Variants in AGBL1 observed in about 807,000 individuals in gnomAD.
AGBL1 encodes the protein AGBL carboxypeptidase 1, also known as cytosolic carboxypeptidase 4.
A neutral mutation model predicts 118.9 loss-of-function variants in AGBL1; 130 were observed. That is an observed-to-expected ratio of 1.09 (90% confidence interval 0.95 to 1.26). AGBL1 has a LOEUF of 1.26. Ranked by LOEUF, AGBL1 falls within the 50% of genes most tolerant of loss-of-function variation. The probability of loss-of-function intolerance (pLI) is 0.00; values close to 1 mark genes in which losing one functional copy is unlikely to be tolerated. For missense variants in AGBL1, 1,584 were observed against 1,298.1 expected, an observed-to-expected ratio of 1.22 and a Z score of -3.38; for synonymous variants, 555 against 478.9, an observed-to-expected ratio of 1.16 and a Z score of -2.08.
Position 86,636,734 on chromosome 15 carries a change from TATATATATATATATATATATATATAC to T in AGBL1, c.2995-37537_2995-37512del, listed in dbSNP as rs1462081306. 7.7e-4 allele frequency among the ~76,000 whole-genome samples: 40 copies of T among 52,084 alleles called. 2 individuals carry two copies. The highest frequency in any genetic ancestry group is 1.5e-3 in the Admixed American group (8 of 5,246). 34.2% of individuals were successfully genotyped at this position (52,084 alleles called of 152,430 possible). A position where few individuals can be genotyped will look rare whatever the true frequency, so the allele number is the denominator to read the frequency against. On this transcript the variant is annotated intron_variant, in intron 21 of 22. Coordinates refer to ENST00000614907, the MANE Select transcript of AGBL1 (RefSeq NM_001386094.1). ...ATATATATATATATATATATATATA[TATATATATATATATATATATATATAC>T]ACATACATACAGAAAGGCAAGAGAA...
intron 1 of AGBL1, among the ~76,000 whole-genome samples, chr15:86,098,155 T>C (rs1896496464): frequency 6.6e-6 from 1 of 152,154 alleles, no homozygotes; most frequent in Non-Finnish European, 1.5e-5. Context: ...GCCCACTTTG[T>C]AATAAAACTA....
intron 18 of AGBL1, among the ~76,000 whole-genome samples, chr15:86,458,302 G>T (rs1329757731): frequency 2.6e-5 from 4 of 151,982 alleles, no homozygotes; most frequent in African/African-American, 9.7e-5. Context: ...ATATAATCTT[G>T]TAATGGATAT....
intron 22 of AGBL1, among the ~76,000 whole-genome samples, chr15:86,809,075 A>G (rs903893436): frequency 3.9e-5 from 6 of 152,134 alleles, no homozygotes; most frequent in African/African-American, 1.4e-4. Flanking sequence ...TGCTATGTAC[A>G]TTGTTTCATT....
intron 17 of AGBL1, among the ~76,000 whole-genome samples, chr15:86,314,820 A>G (rs2079975266): frequency 6.6e-6 from 1 of 152,208 alleles, no homozygotes; most frequent in South Asian, 2.1e-4. Context: ...TGTGAATTCC[A>G]TAAAAAGCCA....
At chr15:86,339,581 C>T (rs946554921) in intron 17 of AGBL1, among the ~76,000 whole-genome samples, 2 of 152,102 alleles carry the variant, frequency 1.3e-5, no homozygotes, top group African/African-American at 4.8e-5. Context: ...ATTGCTCTAT[C>T]ATCAAGGTAA....
intron 22 of AGBL1, among the ~76,000 whole-genome samples, chr15:86,765,558 C>G (rs566423377): frequency 1.7e-3 from 254 of 152,064 alleles, no homozygotes; most frequent in Middle Eastern, 3.4e-3. Flanking sequence ...ATGGGGAACA[C>G]ATTCCACATG....
At chr15:86,094,341 A>G (rs932331452) in intron 1 of AGBL1, among the ~76,000 whole-genome samples, 24 of 152,162 alleles carry the variant, frequency 1.6e-4, no homozygotes, top group African/African-American at 5.8e-4. Context: ...CAGGTAATTA[A>G]AACATTAATA....
chr15:86,472,467 T>C lies in AGBL1; in HGVS notation c.2556-50343T>C, dbSNP rs181999270. Among the ~76,000 whole-genome samples, 212 of 152,274 alleles carry C rather than the reference T, an allele frequency of 1.4e-3. 4 individuals are homozygous for C. The South Asian group carries it at 0.027, about 19-fold the overall frequency. On this transcript the variant is annotated intron_variant, in intron 18 of 22. Coordinates refer to ENST00000614907, the MANE Select transcript of AGBL1 (RefSeq NM_001386094.1). The stretch of plus-strand genomic sequence containing the variant: ...TGTGCTCTAGTCACAGTGGTAGGCA[T>C]TGTGGTAAGTAGATGCACTTCCTAA...
chr15:86,588,624 G>A (rs906231011), intron 21 of AGBL1, among the ~76,000 whole-genome samples: 2 of 152,146 alleles, frequency 1.3e-5, no homozygotes, highest in Admixed American at 6.5e-5. Flanking sequence ...CCAACCCCTG[G>A]AGTGTGTGTC....
At chr15:86,636,689 TG>T (rs1354813077) in intron 21 of AGBL1, among the ~76,000 whole-genome samples, 1 of 110,190 alleles carries the variant, frequency 9.1e-6, no homozygotes, top group Non-Finnish European at 1.9e-5. Flanking sequence ...CAGCTTTGCA[TG>T]GAACCACCAG....
intron 1 of AGBL1, among the ~76,000 whole-genome samples, chr15:86,119,784 T>G (rs1897983846): frequency 6.6e-6 from 1 of 152,122 alleles, no homozygotes; most frequent in African/African-American, 2.4e-5. Flanking sequence ...TGTGGGGTCC[T>G]AGTAGCTGCA....
intron 23 of AGBL1, among the ~76,000 whole-genome samples, chr15:86,922,189 A>T (rs951312207): frequency 1.3e-5 from 2 of 152,258 alleles, no homozygotes; most frequent in African/African-American, 2.4e-5. Context: ...AGTATTTTGC[A>T]GTGCCTTAAT....
Position 86,790,105 on chromosome 15 carries a change from T to G in AGBL1, c.3158+115669T>G, listed in dbSNP as rs116983267. On this transcript the variant is annotated intron_variant, in intron 22 of 22. Coordinates refer to ENST00000614907, the MANE Select transcript of AGBL1 (RefSeq NM_001386094.1). The stretch of plus-strand genomic sequence containing the variant: ...TCTCATCCCAGGATCTGAAAAACTT[T>G]CTGAAGAAGGTACACAGAGCTGCAT... Among the ~76,000 whole-genome samples, 4 of 152,158 alleles carry G rather than the reference T, an allele frequency of 2.6e-5. No homozygotes were observed. The East Asian group carries it at 7.7e-4, about 29-fold the overall frequency.
chr15:86,645,874 A>G (rs2085269826), intron 21 of AGBL1, among the ~76,000 whole-genome samples: 2 of 152,226 alleles, frequency 1.3e-5, no homozygotes, highest in Admixed American at 1.3e-4. Context: ...GGGCCATGGA[A>G]CATTAGGACA....
At chr15:86,897,813 A>G (rs1379993919) in intron 22 of AGBL1, among the ~76,000 whole-genome samples, 1 of 118,342 alleles carries the variant, frequency 8.5e-6, no homozygotes, top group Non-Finnish European at 1.6e-5. Context: ...TCTGTCACCC[A>G]GGCTGAAGCG....
intron 17 of AGBL1, among the ~76,000 whole-genome samples, chr15:86,361,899 G>T (rs1223067645): frequency 6.6e-6 from 1 of 152,072 alleles, no homozygotes; most frequent in Non-Finnish European, 1.5e-5. Context: ...AATTCATTCA[G>T]CCATTCTATG....
intron 18 of AGBL1, among the ~76,000 whole-genome samples, chr15:86,422,330 C>G (rs1003632527): frequency 6.6e-6 from 1 of 152,100 alleles, no homozygotes; most frequent in African/African-American, 2.4e-5. Context: ...AACTGAACAA[C>G]CTGCTCCTGA....
Position 86,264,800 on chromosome 15 carries a change from C to T in AGBL1, c.1629C>T (p.Thr543=). 6.2e-7 allele frequency: 1 copy of T among 1,613,164 alleles called. No individual in the cohort carries two copies. The highest frequency in any genetic ancestry group is 1.1e-5 in the South Asian group (1 of 90,906). ...TCTGGGGACACTGTCCCCCTCCCAC[C>T]ACCCAGCCTATGTTGGAACGAAAAT... The part of the protein sequence containing the change: ...PDVWGHCPPP[T]TQPMLERKCG... The change falls in exon 11 of 23, where the codon ACC becomes ACT. Residue 543 remains threonine, a synonymous_variant. Coordinates refer to ENST00000614907, the MANE Select transcript of AGBL1 (RefSeq NM_001386094.1).
At chr15:86,809,038 T>C (rs1363748067) in intron 22 of AGBL1, among the ~76,000 whole-genome samples, 1 of 152,134 alleles carries the variant, frequency 6.6e-6, no homozygotes, top group Non-Finnish European at 1.5e-5. Flanking sequence ...AAACAATTTT[T>C]ATGAATATCT....
Sources: gnomAD v4.1 joint callset for allele counts (sites outside exome capture counted in the v4.1 genomes callset) on GRCh38, gnomAD v4.1.1 for gene constraint, MANE v1.5 for transcripts, NCBI Gene and HGNC (gene_info 2026-07-23, HGNC 2026-07-21) for gene names.